KIAA1217: variants seen among roughly 807,000 people sequenced by gnomAD.
KIAA1217 encodes the protein KIAA1217, also known as sickle tail protein homolog.
Under a neutral mutation model 163.9 loss-of-function variants are expected in KIAA1217, and 88 were observed. The ratio of observed to expected loss-of-function variants is 0.54; its 90% CI spans 0.45 to 0.64. KIAA1217 has a LOEUF of 0.64. KIAA1217 is among the 30% of genes least tolerant of loss of function. KIAA1217 has a pLI of 0.00. For missense variants in KIAA1217, 2,372 were observed against 2,475.0 expected, an observed-to-expected ratio of 0.96 and a Z score of 0.88; for synonymous variants, 903 against 923.1, an observed-to-expected ratio of 0.98 and a Z score of 0.39.
intron 3 of KIAA1217, among the ~76,000 whole-genome samples, chr10:24,390,669 A>C (rs935989609): frequency 6.6e-6 from 1 of 152,206 alleles, no homozygotes; most frequent in Non-Finnish European, 1.5e-5. Context: ...GTTTTCTCGC[A>C]CTTGATGTAA....
chr10:24,093,254 T>A (rs901505828), intron 2 of KIAA1217, among the ~76,000 whole-genome samples: 8 of 151,756 alleles, frequency 5.3e-5, no homozygotes, highest in African/African-American at 1.9e-4. Flanking sequence ...CACTGCAGCC[T>A]CCACCTGCTG....
intron 1 of KIAA1217, among the ~76,000 whole-genome samples, chr10:23,860,584 T>G (rs998435871): frequency 8.5e-5 from 13 of 152,218 alleles, no homozygotes; most frequent in South Asian, 2.1e-4. Flanking sequence ...CATTTCTTTC[T>G]TCCTTTATGT....
chr10:24,381,215 A>T (rs2053252089), intron 3 of KIAA1217, 148 bp downstream of exon 3: 1 of 624,890 alleles, frequency 1.6e-6, no homozygotes, highest in African/African-American at 1.9e-5. Context: ...GTTTAATATC[A>T]AGCATTGAGG....
intron 4 of KIAA1217, 78 bp downstream of exon 4, chr10:24,433,271 G>GTT (rs35141737): frequency 1.9e-4 from 199 of 1,022,048 alleles, no homozygotes; most frequent in Middle Eastern, 5.4e-4. Flanking sequence ...TTTTTGAGGG[G>GTT]TTTTTTTTTA....
intron 3 of KIAA1217, among the ~76,000 whole-genome samples, chr10:24,387,657 G>A (rs545827324): frequency 1.5e-4 from 23 of 152,078 alleles, no homozygotes; most frequent in African/African-American, 4.8e-4. Flanking sequence ...AAAAACCCCC[G>A]TTGTCTCAGC....
intron 1 of KIAA1217, among the ~76,000 whole-genome samples, chr10:24,210,269 TACAATG>T (rs2067900855): frequency 1.3e-5 from 2 of 152,122 alleles, no homozygotes; most frequent in Admixed American, 1.3e-4. Flanking sequence ...CAGGAGAACT[TACAATG>T]ACAAGAGATA....
intron 1 of KIAA1217, among the ~76,000 whole-genome samples, chr10:23,722,067 T>C (rs912485991): frequency 1.3e-5 from 2 of 152,294 alleles, no homozygotes; most frequent in East Asian, 1.9e-4. Flanking sequence ...GAAAAACTTA[T>C]GCAAAGTAAA....
chr10:24,328,914 A>G (rs79825326), intron 2 of KIAA1217, among the ~76,000 whole-genome samples: 1 of 151,968 alleles, frequency 6.6e-6, no homozygotes, highest in East Asian at 1.9e-4. Context: ...TGATGACATA[A>G]CTTTATAGGG....
In KIAA1217 at chr10:24,062,663, ATGGCTGGG is replaced by A. The variant is rs767656661; in HGVS notation, c.-171+55291_-171+55298del. On this transcript the variant is annotated intron_variant, in intron 2 of 18. Coordinates refer to the KIAA1217 transcript ENST00000376462. ...CTTTGGGTATATACCCAGTAATGGG[ATGGCTGGG>A]TCAAATGGTATTTCTAGTTCTAGAT... 3.9e-5 allele frequency among the ~76,000 whole-genome samples: 6 copies of A among 151,998 alleles called. No homozygotes were observed. The East Asian group carries it at 5.8e-4, about 15-fold the overall frequency.
chr10:23,790,653 A>G lies in KIAA1217; in HGVS notation c.-321+95419A>G, dbSNP rs145822877. On this transcript the variant is annotated intron_variant, in intron 1 of 18. Transcript: ENST00000376462. ...TATATGTACATGTATACATATGTGT[A>G]TATATATACATATATATCATATATA... Among the ~76,000 whole-genome samples the G allele has an allele frequency of 2.0e-4, 27 of 136,626 alleles. 2 individuals are homozygous for G. The highest frequency in any genetic ancestry group is 5.9e-4 in the Admixed American group (8 of 13,664). The allele number at this position is 136,626 out of a possible 152,430, so 89.6% of individuals were successfully genotyped here.
At chr10:24,036,198 G>A (rs1441009139) in intron 2 of KIAA1217, among the ~76,000 whole-genome samples, 2 of 152,204 alleles carry the variant, frequency 1.3e-5, no homozygotes, top group African/African-American at 4.8e-5. Context: ...TTTAGCAAAG[G>A]TTCAGAAACC....
upstream of KIAA1217, among the ~76,000 whole-genome samples, chr10:24,205,451 G>C (rs200617715): frequency 4.6e-5 from 7 of 152,004 alleles, no homozygotes; most frequent in East Asian, 1.4e-3. Flanking sequence ...CTCCAGCCTG[G>C]GCGACAAGAG....
In KIAA1217 at chr10:24,546,718, A is replaced by G. The variant is rs1276247628; in HGVS notation, c.*394A>G. On this transcript the variant is annotated 3_prime_UTR_variant, in exon 21 of 21. Coordinates refer to ENST00000376454, the MANE Select transcript of KIAA1217 (RefSeq NM_019590.5). ...GGAGACTAGAAGTGAACAGAGAATT[A>G]CACAAGTGTGACTATACAAATTGTA... 6.2e-6 allele frequency: 1 copy of G among 161,192 alleles called. No homozygotes were observed. Among genetic ancestry groups the G allele is most frequent in the Non-Finnish European group, 1.4e-5 (1 of 73,824 alleles). 10.0% of individuals were successfully genotyped at this position (161,192 alleles called of 1,614,324 possible).
chr10:24,403,375 A>G (rs575154287), intron 3 of KIAA1217, among the ~76,000 whole-genome samples: 1 of 152,254 alleles, frequency 6.6e-6, no homozygotes, highest in East Asian at 1.9e-4. Context: ...AATAGCTGGG[A>G]TTACAGACAT....
At chr10:24,095,293 C>T (rs1417538454) in intron 2 of KIAA1217, among the ~76,000 whole-genome samples, 2 of 152,186 alleles carry the variant, frequency 1.3e-5, no homozygotes, top group East Asian at 3.9e-4. Context: ...CCTGGTACCT[C>T]AGTTGGAAAT....
At chr10:24,490,753 T>C (rs1419782655) in intron 6 of KIAA1217, among the ~76,000 whole-genome samples, 1 of 152,150 alleles carries the variant, frequency 6.6e-6, no homozygotes, top group African/African-American at 2.4e-5. Context: ...TGGCTTCCCC[T>C]CTACTGTCAA....
intron 2 of KIAA1217, among the ~76,000 whole-genome samples, chr10:24,146,901 C>T (rs962613465): frequency 2.6e-5 from 4 of 151,528 alleles, no homozygotes; most frequent in South Asian, 2.1e-4. Flanking sequence ...ATATTTGGTC[C>T]TTCCAGAGAG....
At position 24,066,495 on chromosome 10, in the gene KIAA1217, T is replaced by C. The variant is rs927722847; in HGVS notation, c.-171+59121T>C. ...CCCCACTCCCTTCTGGCTTGTAGAG[T>C]TTCTGCCGAGAGATTATCTGTTAGT... On this transcript the variant is annotated intron_variant, in intron 2 of 18. Transcript: ENST00000376462. Among the ~76,000 whole-genome samples, 8 of 152,342 alleles carry C rather than the reference T, an allele frequency of 5.3e-5. 1 individual carries two copies. Among genetic ancestry groups the C allele is most frequent in the Admixed American group, 4.6e-4 (7 of 15,296 alleles).
intron 2 of KIAA1217, among the ~76,000 whole-genome samples, chr10:24,261,224 G>A (rs2075691742): frequency 6.6e-6 from 1 of 152,078 alleles, no homozygotes; most frequent in Non-Finnish European, 1.5e-5. Context: ...TAGGCCAGGT[G>A]TGGTGGCTCA....
Sources: allele counts gnomAD v4.1 joint callset (sites outside exome capture counted in the v4.1 genomes callset), GRCh38; gene constraint gnomAD v4.1.1; transcripts MANE v1.5; gene names NCBI Gene and HGNC (gene_info 2026-07-23, HGNC 2026-07-21).